The following EIPR1 variants were observed in gnomAD, a reference collection of about 807,000 sequenced individuals.
EIPR1 encodes EARP and GARP complex-interacting protein 1.
A neutral mutation model predicts 48.1 loss-of-function variants in EIPR1; 25 were observed. The observed-to-expected ratio is 0.52, with a 90% confidence interval of 0.38 to 0.73. EIPR1 has a LOEUF of 0.73. EIPR1 is among the 30% of genes least tolerant of loss of function. The pLI, the probability that EIPR1 is intolerant of heterozygous loss-of-function variation, is 0.00. For missense variants in EIPR1, 415 were observed against 506.2 expected (o/e 0.82, Z 1.73); for synonymous variants, 204 against 201.9 (o/e 1.01, Z -0.09).
At position 3,324,492 on chromosome 2, in the gene EIPR1, G is replaced by C. The variant is rs575586895; in HGVS notation, c.259+13525C>G. Among the ~76,000 whole-genome samples the C allele has an allele frequency of 1.2e-4, 18 of 152,328 alleles. No homozygotes were observed. The South Asian group carries it at 3.7e-3, about 32-fold the overall frequency. On this transcript the variant is annotated intron_variant, in intron 3 of 8. Transcript: ENST00000382125. ...GACTCCCAGGCCGTGGCCACATACG[G>C]GCCCTGCAGCTTCGGGCAGCTGTCT...
intron 4 of EIPR1, among the ~76,000 whole-genome samples, chr2:3,233,613 G>A (rs183943509): frequency 3.3e-5 from 5 of 152,274 alleles, no homozygotes; most frequent in East Asian, 1.9e-4. Context: ...TTTAATCTGC[G>A]TTTTCTAACA....
intron 7 of EIPR1, among the ~76,000 whole-genome samples, 182 bp from the exon 8 acceptor site, chr2:3,192,763 G>A (rs1297870217): frequency 6.6e-6 from 1 of 152,058 alleles, no homozygotes; most frequent in East Asian, 1.9e-4. Context: ...TTTACTGCAG[G>A]TTTCTCTTAA....
At chr2:3,264,134 A>T (rs1278319500) in intron 3 of EIPR1, among the ~76,000 whole-genome samples, 1 of 152,138 alleles carries the variant, frequency 6.6e-6, no homozygotes, top group East Asian at 1.9e-4. Context: ...TTTCACCAAC[A>T]TCTCCCTTTT....
chr2:3,256,747 A>C (rs530386125), intron 4 of EIPR1, among the ~76,000 whole-genome samples: 3 of 152,288 alleles, frequency 2.0e-5, no homozygotes, highest in South Asian at 2.1e-4. Flanking sequence ...TGCCGTGGAG[A>C]GGTCCCTGGG....
At chr2:3,206,652 T>C (rs557445784) in intron 5 of EIPR1, among the ~76,000 whole-genome samples, 46 of 152,362 alleles carry the variant, frequency 3.0e-4, no homozygotes, top group African/African-American at 1.1e-3. Flanking sequence ...CTAAGCTCTG[T>C]TTCTGGAGAA....
intron 1 of EIPR1, among the ~76,000 whole-genome samples, chr2:3,366,513 G>A (rs1034760146): frequency 8.5e-5 from 13 of 152,064 alleles, no homozygotes; most frequent in Admixed American, 3.9e-4. Context: ...CAGTGAATCC[G>A]AGGACAAAAA....
chr2:3,341,123 AAAC>A (rs869104252), intron 2 of EIPR1, among the ~76,000 whole-genome samples: 58 of 148,082 alleles, frequency 3.9e-4, no homozygotes, highest in Non-Finnish European at 6.9e-4. Flanking sequence ...AAAAAAAACA[AAAC>A]AAAACTCCAC....
chr2:3,209,967 A>G (rs2103127947), intron 5 of EIPR1, among the ~76,000 whole-genome samples: 1 of 152,286 alleles, frequency 6.6e-6, no homozygotes, highest in African/African-American at 2.4e-5. Context: ...GTCAGGACAC[A>G]TTTGTCCAAA....
intron 3 of EIPR1, among the ~76,000 whole-genome samples, chr2:3,265,979 T>G (rs1022507210): frequency 1.2e-4 from 18 of 152,294 alleles, no homozygotes; most frequent in African/African-American, 4.3e-4. Flanking sequence ...CTACCTACTT[T>G]TCACATGTTA....
At chr2:3,317,371 A>G (rs1301419362) in intron 3 of EIPR1, among the ~76,000 whole-genome samples, 27 of 71,076 alleles carry the variant, frequency 3.8e-4, no homozygotes, top group East Asian at 1.6e-3. Flanking sequence ...AGGAGCGCAC[A>G]AGGTGCTGAC....
chr2:3,302,163 C>T (rs914264022), intron 3 of EIPR1, among the ~76,000 whole-genome samples: 3 of 152,118 alleles, frequency 2.0e-5, no homozygotes, highest in Admixed American at 6.5e-5. Flanking sequence ...TGAAAACTTT[C>T]CGGCATACAG....
chr2:3,365,483 T>G (rs1276911516), intron 1 of EIPR1, among the ~76,000 whole-genome samples: 4 of 127,174 alleles, frequency 3.1e-5, no homozygotes, highest in African/African-American at 1.2e-4. Context: ...GAAAAAGCTT[T>G]TTTTTTTTTT....
intron 3 of EIPR1, among the ~76,000 whole-genome samples, chr2:3,297,327 G>C (rs1387881217): frequency 6.6e-6 from 1 of 152,274 alleles, no homozygotes; most frequent in African/African-American, 2.4e-5. Context: ...AGCCACACCT[G>C]CCTCACCTGC....
chr2:3,364,923 G>A (rs943471294), intron 1 of EIPR1, among the ~76,000 whole-genome samples: 13 of 152,074 alleles, frequency 8.5e-5, no homozygotes, highest in African/African-American at 3.1e-4. Flanking sequence ...TATATCAGCA[G>A]GTTGACTACA....
intron 4 of EIPR1, among the ~76,000 whole-genome samples, chr2:3,249,017 A>G (rs1410498703): frequency 6.6e-6 from 1 of 152,228 alleles, no homozygotes; most frequent in African/African-American, 2.4e-5. Context: ...TAGCAATACA[A>G]AAATGGACTA....
intron 4 of EIPR1, among the ~76,000 whole-genome samples, chr2:3,238,155 A>G (rs1666476330): frequency 6.6e-6 from 1 of 152,198 alleles, no homozygotes; most frequent in Non-Finnish European, 1.5e-5. Flanking sequence ...AAGAAGAAAA[A>G]AACCTCCAAG....
At chr2:3,285,212 C>T (rs1041367518) in intron 3 of EIPR1, among the ~76,000 whole-genome samples, 2 of 152,142 alleles carry the variant, frequency 1.3e-5, no homozygotes, top group African/African-American at 4.8e-5. Flanking sequence ...GAGGAAGAAC[C>T]TGGGACAGGG....
Position 3,356,687 on chromosome 2 carries a change from T to C in EIPR1, c.43-2054A>G, listed in dbSNP as rs80053809. 2.6e-5 allele frequency among the ~76,000 whole-genome samples: 4 copies of C among 152,236 alleles called. No individual in the cohort carries two copies. In the East Asian group the frequency reaches 7.7e-4, roughly 29 times the overall value. On this transcript the variant is annotated intron_variant, in intron 1 of 8. Coordinates refer to ENST00000382125, the MANE Select transcript of EIPR1 (RefSeq NM_003310.5). ...GGACCTTGAGATGAGGAGGCTCTCC[T>C]GGATTATTTAATCGCATGGGTCACT...
chr2:3,348,129 C>T (rs138221976), intron 2 of EIPR1, among the ~76,000 whole-genome samples: 4 of 152,232 alleles, frequency 2.6e-5, no homozygotes, highest in African/African-American at 7.2e-5. Context: ...AAAGCTATCA[C>T]GAATCAAAAC....
Sources: gnomAD v4.1 joint callset for allele counts (sites outside exome capture counted in the v4.1 genomes callset) on GRCh38, gnomAD v4.1.1 for gene constraint, MANE v1.5 for transcripts, NCBI Gene and HGNC (gene_info 2026-07-23, HGNC 2026-07-21) for gene names.